Variants in EGFR observed in about 807,000 individuals in gnomAD.
The protein encoded by EGFR is avian erythroblastic leukemia viral (v-erb-b) oncogene homolog.
EGFR carries 58 observed loss-of-function variants against 143.0 expected under a neutral mutation model. The ratio of observed to expected loss-of-function variants is 0.41; its 90% CI spans 0.33 to 0.50. The LOEUF (loss-of-function observed/expected upper bound fraction) is 0.50, where lower values mean the gene tolerates loss of function less well. EGFR is among the 20% of genes least tolerant of loss of function. EGFR has a pLI of 0.39. For synonymous variants in EGFR, 613 were observed against 594.4 expected, an observed-to-expected ratio of 1.03 and a Z score of -0.45; for missense variants, 1,307 against 1,579.0, an observed-to-expected ratio of 0.83 and a Z score of 2.92.
chr7:55,118,707 G>A (rs542425403), intron 1 of EGFR, among the ~76,000 whole-genome samples: 7 of 152,084 alleles, frequency 4.6e-5, no homozygotes, highest in East Asian at 1.9e-4. Flanking sequence ...TCCAGGGGCC[G>A]ACAAAGGAGC....
chr7:55,151,748 C>T (rs1785167550), intron 5 of EGFR, among the ~76,000 whole-genome samples: 1 of 152,180 alleles, frequency 6.6e-6, no homozygotes. Context: ...GTGGCGGGCG[C>T]CTGTAGTCCC....
chr7:55,092,966 G>A (rs567125419), intron 1 of EGFR, among the ~76,000 whole-genome samples: 1 of 152,226 alleles, frequency 6.6e-6, no homozygotes, highest in Non-Finnish European at 1.5e-5. Flanking sequence ...TGATTCTAAA[G>A]TCTGAAAGCC....
chr7:55,060,810 C>T (rs769606549), intron 1 of EGFR, among the ~76,000 whole-genome samples: 1 of 152,200 alleles, frequency 6.6e-6, no homozygotes, highest in Non-Finnish European at 1.5e-5. Context: ...CCTGAAGAGA[C>T]AAGGGCTCAA....
chr7:55,142,756 G>A (rs1191447290), intron 2 of EGFR, among the ~76,000 whole-genome samples: 3 of 152,082 alleles, frequency 2.0e-5, no homozygotes, highest in African/African-American at 7.2e-5. Flanking sequence ...GCCCTGCTTT[G>A]CACCATTTGC....
chr7:55,134,786 T>C (rs1307902387), intron 1 of EGFR, among the ~76,000 whole-genome samples: 1 of 152,222 alleles, frequency 6.6e-6, no homozygotes, highest in Non-Finnish European at 1.5e-5. Context: ...TAGATTGCAA[T>C]AGTTGCTGCC....
intron 1 of EGFR, among the ~76,000 whole-genome samples, chr7:55,091,965 T>C (rs1485032945): frequency 6.6e-6 from 1 of 151,606 alleles, no homozygotes; most frequent in Non-Finnish European, 1.5e-5. Context: ...CATGCTCTAA[T>C]GAAGGTTTAT....
intron 1 of EGFR, among the ~76,000 whole-genome samples, chr7:55,052,491 C>A (rs1309026109): frequency 6.6e-6 from 1 of 152,204 alleles, no homozygotes; most frequent in African/African-American, 2.4e-5. Context: ...AATCAATCAA[C>A]CAATCAACAG....
At chr7:55,116,678 AG>A (rs975933166) in intron 1 of EGFR, among the ~76,000 whole-genome samples, 4 of 152,344 alleles carry the variant, frequency 2.6e-5, no homozygotes, top group Admixed American at 2.6e-4. Context: ...CTCCTGGGAC[AG>A]GGCTACCACC....
intron 1 of EGFR, among the ~76,000 whole-genome samples, chr7:55,052,743 C>T (rs1230751827): frequency 1.3e-5 from 2 of 152,116 alleles, no homozygotes; most frequent in Non-Finnish European, 2.9e-5. Flanking sequence ...GCAAGGGCCC[C>T]GTAGGAGAGG....
At chr7:55,190,934 G>T (rs1303065705) in intron 20 of EGFR, among the ~76,000 whole-genome samples, 1 of 152,190 alleles carries the variant, frequency 6.6e-6, no homozygotes, top group Non-Finnish European at 1.5e-5. Flanking sequence ...AGGAGCAGGG[G>T]TCAGCAGTGA....
At chr7:55,096,104 C>A (rs981072158) in intron 1 of EGFR, among the ~76,000 whole-genome samples, 26 of 152,232 alleles carry the variant, frequency 1.7e-4, no homozygotes, top group Admixed American at 1.6e-3. Context: ...GTGAAAGAAG[C>A]CTTGTTTTTC....
chr7:55,191,915 C>A (rs369725826), intron 21 of EGFR, 41 bp downstream of exon 21: 1 of 1,610,290 alleles, frequency 6.2e-7, no homozygotes, highest in Non-Finnish European at 8.5e-7. Context: ...TTTCCTGACA[C>A]CAGGGACCAG....
intron 21 of EGFR, among the ~76,000 whole-genome samples, chr7:55,192,254 C>T (rs1787429547): frequency 6.6e-6 from 1 of 152,174 alleles, no homozygotes. Context: ...CCCATGCGGA[C>T]CCGAGCTCCC....
intron 11 of EGFR, 90 bp downstream of exon 11, chr7:55,157,843 C>A: frequency 7.8e-7 from 1 of 1,288,348 alleles, no homozygotes; most frequent in Non-Finnish European, 1.1e-6. Flanking sequence ...AGATAGGGCA[C>A]AGAGCTCCTG....
At chr7:55,152,283 T>C in intron 5 of EGFR, 2 of 651,462 alleles carry the variant, frequency 3.1e-6, no homozygotes, top group Non-Finnish European at 5.7e-6. Context: ...GCTTTCTGCA[T>C]TGCCCAAGAT....
At chr7:55,184,316 A>G (rs950038092) in intron 20 of EGFR, among the ~76,000 whole-genome samples, 1 of 152,112 alleles carries the variant, frequency 6.6e-6, no homozygotes, top group Non-Finnish European at 1.5e-5. Context: ...TTCCTAATCT[A>G]CATCTGTGCC....
intron 27 of EGFR, among the ~76,000 whole-genome samples, chr7:55,204,248 CACAT>C (rs1788001873): frequency 2.7e-5 from 4 of 149,620 alleles, no homozygotes; most frequent in Non-Finnish European, 3.0e-5. Context: ...ACACCACACA[CACAT>C]ACACACCACA....
intron 20 of EGFR, among the ~76,000 whole-genome samples, chr7:55,187,742 C>T (rs1787203708): frequency 1.1e-4 from 17 of 152,078 alleles, no homozygotes; most frequent in Admixed American, 1.1e-3. Flanking sequence ...TTAAAAACTT[C>T]ATCAGATCCG....
intron 1 of EGFR, among the ~76,000 whole-genome samples, chr7:55,098,678 G>C (rs1584034251): frequency 2.0e-5 from 3 of 152,122 alleles, no homozygotes; most frequent in Admixed American, 6.5e-5. Context: ...CAAAGAACAA[G>C]TTACTCCGGC....
Sources: gnomAD v4.1 joint callset for allele counts (sites outside exome capture counted in the v4.1 genomes callset) on GRCh38, gnomAD v4.1.1 for gene constraint, MANE v1.5 for transcripts, NCBI Gene and HGNC (gene_info 2026-07-23, HGNC 2026-07-21) for gene names.